Variants in VPS13D observed in about 807,000 individuals in gnomAD.
The protein encoded by VPS13D is vacuolar protein sorting 13 homolog D.
A neutral mutation model predicts 461.9 loss-of-function variants in VPS13D; 187 were observed. The observed-to-expected ratio is 0.40, with a 90% confidence interval of 0.36 to 0.46. VPS13D has a LOEUF of 0.46. VPS13D is among the 20% of genes least tolerant of loss of function. The probability of loss-of-function intolerance (pLI) is 0.60; values close to 1 mark genes in which losing one functional copy is unlikely to be tolerated. For missense variants in VPS13D, 4,711 were observed against 5,364.9 expected, an observed-to-expected ratio of 0.88 and a Z score of 3.81; for synonymous variants, 1,951 against 1,986.3, an observed-to-expected ratio of 0.98 and a Z score of 0.47.
chr1:12,472,253 G>A (rs61774938), intron 67 of VPS13D, among the ~76,000 whole-genome samples: 113 of 152,276 alleles, frequency 7.4e-4, no homozygotes, highest in Non-Finnish European at 1.3e-3. Context: ...CCAATTGGGA[G>A]CTCTTGGTTT....
Position 12,273,114 on chromosome 1 carries a change from A to G in VPS13D, c.2215A>G (p.Met739Val), listed in dbSNP as rs759533626. ...GTTAGTTGTCGTGGATCTAGGAAGA[A>G]TGCTTTTGACGAACACCCAAGGTAT... is the stretch of plus-strand genomic sequence containing the variant. ...PVLVVVDLGR[M>V]LLTNTQDNSR... The change falls in exon 18 of 70, where the codon ATG becomes GTG. Residue 739 changes from methionine (M) to valine (V), a missense_variant. This residue lies in a region of VPS13D where 4,411 missense variants were observed against 4,937.8 expected (regional missense o/e 0.89). Transcript: ENST00000620676. 1.2e-6 allele frequency: 2 copies of G among 1,614,138 alleles called. No homozygotes were observed. Among genetic ancestry groups the G allele is most frequent in the South Asian group, 2.2e-5 (2 of 91,070 alleles).
At chr1:12,327,229 C>T (rs535765676) in intron 35 of VPS13D, among the ~76,000 whole-genome samples, 2 of 152,120 alleles carry the variant, frequency 1.3e-5, no homozygotes, top group South Asian at 2.1e-4. Flanking sequence ...CCCATGCCCT[C>T]GATCATTTAC....
chr1:12,314,263 A>G lies in VPS13D; in HGVS notation c.7084A>G (p.Ile2362Val), dbSNP rs1557703717. 1.9e-6 allele frequency: 3 copies of G among 1,614,184 alleles called. No homozygotes were observed. Among genetic ancestry groups the G allele is most frequent in the Admixed American group, 3.3e-5 (2 of 60,022 alleles). ...SPGMTNVFSCIFQPAKNSSTT... is the reference protein window; with the variant it reads ...SPGMTNVFSCVFQPAKNSSTT... Reference sequence around the variant, plus strand: ...TGGCATGACGAATGTGTTCAGCTGTATCTTTCAGCCCGCTAAGAACAGCAG... The same window carrying G: ...TGGCATGACGAATGTGTTCAGCTGTGTCTTTCAGCCCGCTAAGAACAGCAG... The change falls in exon 30 of 70, where the codon ATC (isoleucine) becomes GTC (valine). Residue 2362 changes from isoleucine (I) to valine (V), a missense_variant. Physicochemically the swap from Ile to Val is conservative, Grantham distance 29. This residue lies in a region of VPS13D where 4,411 missense variants were observed against 4,937.8 expected (regional missense o/e 0.89). Transcript: ENST00000620676.
At chr1:12,256,544 C>T in intron 8 of VPS13D, 41 bp downstream of exon 8, 1 of 1,601,144 alleles carries the variant, frequency 6.2e-7, no homozygotes, top group Admixed American at 1.7e-5. Flanking sequence ...TACTGTCAAA[C>T]TGGTGACTGC....
chr1:12,276,804 T>C lies in VPS13D; in HGVS notation c.3216T>C (p.Leu1072=). 1 of 1,614,204 alleles carries C rather than the reference T, an allele frequency of 6.2e-7. No homozygotes were observed. The highest frequency in any genetic ancestry group is 1.1e-5 in the South Asian group (1 of 91,088). The change falls in exon 19 of 70, where the codon CTT becomes CTC. Residue 1072 remains leucine, a synonymous_variant. Transcript: ENST00000620676. The surrounding 1 kb of genome is among the most constrained non-coding windows in gnomAD (Gnocchi z 4.5). The stretch of plus-strand genomic sequence containing the variant: ...CTAGTGTTTCACTTGACAAAATTCT[T>C]ACCAAAGAGCAAGAGTCCCTTATTA... ...SATSVSLDKI[L]TKEQESLIKL... is the part of the protein sequence containing the mutation.
intron 2 of VPS13D, among the ~76,000 whole-genome samples, chr1:12,235,196 G>A (rs1448104787): frequency 6.6e-6 from 1 of 152,220 alleles, no homozygotes; most frequent in Non-Finnish European, 1.5e-5. Context: ...GTTTTGGTAA[G>A]TGGACCAGAG....
chr1:12,321,675 AT>A, intron 32 of VPS13D, 133 bp from the exon 33 acceptor site: 1 of 951,082 alleles, frequency 1.1e-6, no homozygotes, highest in Non-Finnish European at 1.5e-6. Context: ...TCTTCACAGT[AT>A]TTATTTCAGC....
intron 65 of VPS13D, among the ~76,000 whole-genome samples, chr1:12,433,230 C>T (rs1645015482): frequency 6.6e-6 from 1 of 151,606 alleles, no homozygotes; most frequent in African/African-American, 2.4e-5. Context: ...TGCTTTTTGC[C>T]TTTTCGCTTT....
chr1:12,478,873 G>A (rs1299353846), intron 67 of VPS13D: 5 of 455,854 alleles, frequency 1.1e-5, no homozygotes, highest in Non-Finnish European at 1.8e-5. Flanking sequence ...CGGTGGCAGA[G>A]GTGGGTCAGA....
chr1:12,478,724 A>T, intron 67 of VPS13D: 1 of 451,342 alleles, frequency 2.2e-6, no homozygotes, highest in Non-Finnish European at 4.5e-6. Context: ...GAAGCAAAGC[A>T]GTCTGCCTCC....
intron 67 of VPS13D, among the ~76,000 whole-genome samples, chr1:12,480,994 A>G (rs1204675432): frequency 1.3e-5 from 2 of 152,156 alleles, no homozygotes; most frequent in African/African-American, 4.8e-5. Flanking sequence ...CTCCACCCCA[A>G]GGAACTTGGT....
chr1:12,332,620 G>T (rs760724134), intron 37 of VPS13D, among the ~76,000 whole-genome samples: 1 of 152,220 alleles, frequency 6.6e-6, no homozygotes, highest in Non-Finnish European at 1.5e-5. Context: ...CTGGAGTTGG[G>T]TGGGAGAGGG....
intron 67 of VPS13D, among the ~76,000 whole-genome samples, chr1:12,463,898 T>A (rs1460919157): frequency 6.6e-6 from 1 of 152,254 alleles, no homozygotes; most frequent in African/African-American, 2.4e-5. Context: ...GATAAATTTA[T>A]CTCTCTGTTT....
At chr1:12,257,128 C>T (rs771596058) in intron 9 of VPS13D, 41 bp downstream of exon 9, 16 of 1,550,270 alleles carry the variant, frequency 1.0e-5, no homozygotes, top group Non-Finnish European at 1.3e-5. Context: ...CATGTTAGAG[C>T]CTGTTCTTGC....
intron 67 of VPS13D, among the ~76,000 whole-genome samples, chr1:12,462,889 G>T (rs115298616): frequency 6.6e-6 from 1 of 152,110 alleles, no homozygotes; most frequent in East Asian, 1.9e-4. Context: ...CTGGGGAGCC[G>T]TTCACAGTCA....
In VPS13D at chr1:12,342,969, C is replaced by G; in HGVS notation, c.8803C>G (p.His2935Asp). The G allele has an allele frequency of 6.2e-7, 1 of 1,613,916 alleles. No homozygotes were observed. Among genetic ancestry groups the G allele is most frequent in the Non-Finnish European group, 8.5e-7 (1 of 1,179,828 alleles). ...GAACGGAACATTTCTCGATGATACT[C>G]ACAATGTTAGTGAATGGCGAGAAGT... ...EGNGTFLDDT[H>D]NVSEWREVLT... The change falls in exon 42 of 70, where the codon CAC (histidine) becomes GAC (aspartate). Residue 2935 changes from histidine to aspartate, a missense_variant. Physicochemically the swap from His to Asp is moderately conservative, Grantham distance 81 (BLOSUM62 -1). Transcript: ENST00000620676.
intron 69 of VPS13D, 112 bp from the exon 70 acceptor site, chr1:12,508,781 G>C: frequency 8.3e-7 from 1 of 1,201,152 alleles, no homozygotes; most frequent in South Asian, 1.5e-5. Flanking sequence ...TTTCTTTGAC[G>C]TGTACATCCC....
intron 63 of VPS13D, among the ~76,000 whole-genome samples, chr1:12,410,360 TAGATA>T (rs1303785303): frequency 7.2e-5 from 11 of 152,158 alleles, no homozygotes; most frequent in African/African-American, 2.7e-4. Flanking sequence ...CACCAGAACT[TAGATA>T]AAGACTGAAA....
At chr1:12,483,052 G>A (rs922121212) in intron 67 of VPS13D, among the ~76,000 whole-genome samples, 12 of 152,170 alleles carry the variant, frequency 7.9e-5, no homozygotes, top group African/African-American at 2.9e-4. Flanking sequence ...TTAGGCTAAA[G>A]TCCTAAAACT....
Sources: gnomAD v4.1 joint callset for allele counts (sites outside exome capture counted in the v4.1 genomes callset) on GRCh38, gnomAD v4.1.1 for gene constraint, gnomAD v4.1.1 regional missense constraint, Gnocchi (gnomAD v3.1) non-coding constraint, MANE v1.5 for transcripts, NCBI Gene and HGNC (gene_info 2026-07-23, HGNC 2026-07-21) for gene names.